The following SUGCT variants were observed in gnomAD, a reference collection of about 807,000 sequenced individuals.
The protein encoded by SUGCT is succinyl-CoA:glutarate-CoA transferase.
Under a neutral mutation model 55.0 loss-of-function variants are expected in SUGCT, and 41 were observed. That is an observed-to-expected ratio of 0.74 (90% CI 0.58 to 0.97). The LOEUF (loss-of-function observed/expected upper bound fraction) is 0.97. SUGCT is among the 50% of genes least tolerant of loss of function. SUGCT has a pLI of 0.00. For synonymous variants in SUGCT, 187 were observed against 200.4 expected (o/e 0.93, Z 0.56); for missense variants, 568 against 547.8 (o/e 1.04, Z -0.37).
rs1443974753 is a variant in SUGCT at position 40,469,532 on chromosome 7, A to T, written c.986+10334A>T. On this transcript the variant is annotated intron_variant, in intron 11 of 13. Transcript: ENST00000335693. Reference sequence around the variant, plus strand: ...ATAAAATCAGCCCGGAGGGTAAAAGAAAGAAAGAAACACAGCTCTGGAAAG... The same window carrying T: ...ATAAAATCAGCCCGGAGGGTAAAAGTAAGAAAGAAACACAGCTCTGGAAAG... Among the ~76,000 whole-genome samples the T allele has an allele frequency of 2.0e-5, 3 of 152,226 alleles. No individual in the cohort carries two copies. In the East Asian group the frequency reaches 5.8e-4, roughly 29 times the overall value.
At chr7:40,325,231 G>GA (rs1252434452) in intron 9 of SUGCT, among the ~76,000 whole-genome samples, 1 of 97,682 alleles carries the variant, frequency 1.0e-5, no homozygotes, top group Admixed American at 1.0e-4. Context: ...ACATGTTAAG[G>GA]ATTTTTTTTT....
chr7:40,196,530 G>T (rs1461590375), intron 6 of SUGCT, among the ~76,000 whole-genome samples: 1 of 152,122 alleles, frequency 6.6e-6, no homozygotes, highest in African/African-American at 2.4e-5. Flanking sequence ...CAAGGGGGTG[G>T]GGTGAGGATA....
intron 12 of SUGCT, among the ~76,000 whole-genome samples, chr7:40,713,384 T>C (rs1785832158): frequency 1.3e-5 from 2 of 152,204 alleles, no homozygotes; most frequent in Non-Finnish European, 2.9e-5. Context: ...GTAGGTATGA[T>C]AACCCTCCCA....
At chr7:40,613,866 C>G (rs563258588) in intron 12 of SUGCT, among the ~76,000 whole-genome samples, 1 of 152,192 alleles carries the variant, frequency 6.6e-6, no homozygotes. Flanking sequence ...CTCGGCCTCC[C>G]GAAGTGCTGT....
intron 6 of SUGCT, among the ~76,000 whole-genome samples, chr7:40,197,839 A>G (rs573272961): frequency 6.6e-6 from 1 of 152,250 alleles, no homozygotes; most frequent in African/African-American, 2.4e-5. Context: ...CATCGAGTCA[A>G]AAAAAATGTT....
At chr7:40,360,868 G>T (rs144729427) in intron 9 of SUGCT, among the ~76,000 whole-genome samples, 2 of 152,208 alleles carry the variant, frequency 1.3e-5, no homozygotes, top group East Asian at 3.9e-4. Flanking sequence ...CAATAGTGTG[G>T]AACAAGCAAA....
intron 9 of SUGCT, among the ~76,000 whole-genome samples, chr7:40,332,571 C>T (rs1796382133): frequency 6.6e-6 from 1 of 151,770 alleles, no homozygotes; most frequent in South Asian, 2.1e-4. Flanking sequence ...CATGTCATTC[C>T]TGTTTCCATT....
intron 1 of SUGCT, among the ~76,000 whole-genome samples, chr7:40,169,852 G>A (rs901586133): frequency 1.3e-5 from 2 of 151,976 alleles, no homozygotes; most frequent in African/African-American, 4.8e-5. Flanking sequence ...CGGGCCTAAC[G>A]TGGACTTCTG....
the SUGCT span, among the ~76,000 whole-genome samples, chr7:40,952,848 G>T: frequency 6.6e-6 from 1 of 152,182 alleles, no homozygotes; most frequent in Non-Finnish European, 1.5e-5. Flanking sequence ...GCTTCCCTTT[G>T]TGGGTAACCC....
chr7:40,524,784 C>T (rs543534337), intron 12 of SUGCT, among the ~76,000 whole-genome samples: 210 of 152,188 alleles, frequency 1.4e-3, no homozygotes, highest in African/African-American at 4.8e-3. Context: ...AATTGAGAAG[C>T]TTTGGTAGTT....
At chr7:40,637,539 T>C (rs1313211859) in intron 12 of SUGCT, among the ~76,000 whole-genome samples, 1 of 152,248 alleles carries the variant, frequency 6.6e-6, no homozygotes, top group Admixed American at 6.5e-5. Flanking sequence ...TTGTTAATTC[T>C]TTAACATCAG....
chr7:40,504,345 A>G (rs1328556423), intron 12 of SUGCT, among the ~76,000 whole-genome samples: 1 of 152,130 alleles, frequency 6.6e-6, no homozygotes, highest in South Asian at 2.1e-4. Flanking sequence ...AGATCTCACT[A>G]TGTTGCCCAG....
intron 9 of SUGCT, among the ~76,000 whole-genome samples, chr7:40,391,156 T>C (rs1390077453): frequency 1.3e-5 from 2 of 152,150 alleles, no homozygotes; most frequent in Non-Finnish European, 2.9e-5. Flanking sequence ...AAGACTTAAA[T>C]GTTAGACCTA....
intron 9 of SUGCT, among the ~76,000 whole-genome samples, chr7:40,442,547 A>G (rs1045501371): frequency 6.6e-6 from 1 of 151,354 alleles, no homozygotes; most frequent in African/African-American, 2.4e-5. Context: ...ATTATGTTTT[A>G]TTTATTTATT....
intron 12 of SUGCT, among the ~76,000 whole-genome samples, chr7:40,600,314 C>T (rs1428709205): frequency 6.6e-6 from 1 of 152,200 alleles, no homozygotes; most frequent in Non-Finnish European, 1.5e-5. Context: ...TCATGCAAGT[C>T]TCCCATTAGC....
chr7:40,488,314 A>G (rs1791497234), intron 11 of SUGCT, among the ~76,000 whole-genome samples: 1 of 152,134 alleles, frequency 6.6e-6, no homozygotes, highest in South Asian at 2.1e-4. Flanking sequence ...ACATTATTGT[A>G]GTTAATAACA....
intron 12 of SUGCT, among the ~76,000 whole-genome samples, chr7:40,680,467 T>C (rs531142268): frequency 6.6e-6 from 1 of 152,060 alleles, no homozygotes; most frequent in Non-Finnish European, 1.5e-5. Context: ...AGACCAAATG[T>C]TTAAGAAAGG....
At chr7:40,381,776 AC>A (rs112957656) in intron 9 of SUGCT, among the ~76,000 whole-genome samples, 4 of 152,154 alleles carry the variant, frequency 2.6e-5, no homozygotes, top group African/African-American at 9.6e-5. Context: ...ACATCTACAA[AC>A]CCCATGAAAC....
chr7:40,411,043 A>C (rs1480098005), intron 9 of SUGCT, among the ~76,000 whole-genome samples: 1 of 152,196 alleles, frequency 6.6e-6, no homozygotes, highest in Non-Finnish European at 1.5e-5. Context: ...ATTAAGCTAA[A>C]AAAATATAGA....
Sources: gnomAD v4.1 joint callset for allele counts (sites outside exome capture counted in the v4.1 genomes callset) on GRCh38, gnomAD v4.1.1 for gene constraint, MANE v1.5 for transcripts, NCBI Gene and HGNC (gene_info 2026-07-23, HGNC 2026-07-21) for gene names.